TMEM59: variants seen among roughly 807,000 people sequenced by gnomAD.
TMEM59 encodes the protein dendritic cell factor 1.
In TMEM59, 44 loss-of-function variants were observed where a neutral mutation model predicts 42.2. The ratio of observed to expected loss-of-function variants is 1.04; its 90% confidence interval spans 0.82 to 1.34. The LOEUF is 1.34. TMEM59 is among the 40% of genes most tolerant of loss of function. The probability of loss-of-function intolerance (pLI) is 0.00; values close to 1 mark genes in which losing one functional copy is unlikely to be tolerated. For synonymous variants in TMEM59, 148 were observed against 145.8 expected (o/e 1.02, Z -0.11); for missense variants, 359 against 382.8 (o/e 0.94, Z 0.52).
chr1:54,043,997 C>G (rs1006563890), intron 3 of TMEM59: 1 of 152,052 alleles, frequency 6.6e-6, no homozygotes, highest in African/African-American at 2.4e-5. Context: ...TCTGACAACA[C>G]GACAGGGTGA....
rs184753407 is a variant in TMEM59 at position 54,026,703 on chromosome 1, C to G, written c.*5447G>C. 229 of 152,244 alleles carry G rather than the reference C, an allele frequency of 1.5e-3. 4 individuals carry two copies. The highest frequency in any genetic ancestry group is 5.3e-3 in the African/African-American group (222 of 41,538). 9.4% of individuals were successfully genotyped at this position (152,244 alleles called of 1,614,324 possible). On this transcript the variant is annotated 3_prime_UTR_variant, in exon 8 of 8. Transcript: ENST00000234831. ...GCATTATTTTTTAATGCAGATGATC[C>G]AAGTTTTATTAAAGTTTACATACTT... is the stretch of plus-strand genomic sequence containing the variant.
chr1:54,029,046 T>C lies in TMEM59; in HGVS notation c.*3104A>G, dbSNP rs1656687568. ...GAACTACTGTATATCTTTAAAAAAC[T>C]TGTAACAAAAATGGCTCATTTATCT... On this transcript the variant is annotated 3_prime_UTR_variant, in exon 8 of 8. Coordinates refer to ENST00000234831, the MANE Select transcript of TMEM59 (RefSeq NM_004872.5). 6.6e-6 allele frequency: 1 copy of C among 152,184 alleles called. No homozygotes were observed. Among genetic ancestry groups the C allele is most frequent in the Non-Finnish European group, 1.5e-5 (1 of 68,032 alleles). The allele number at this position is 152,184 out of a possible 1,614,324, so 9.4% of individuals were successfully genotyped here. A position where few individuals can be genotyped will look rare whatever the true frequency, so the allele number is the denominator to read the frequency against.
rs1389428745 is a variant in TMEM59, at chr1:54,052,864, A to C, written c.189+136T>G. 5.0e-6 allele frequency: 5 copies of C among 1,002,888 alleles called. No individual in the cohort carries two copies. In the African/African-American group the frequency reaches 8.1e-5, roughly 16 times the overall value. 62.1% of individuals were successfully genotyped at this position (1,002,888 alleles called of 1,614,324 possible). On this transcript the variant is annotated intron_variant, in intron 1 of 7. Transcript: ENST00000234831. Reference sequence around the variant, plus strand: ...GGGTGCAGGCAGGATTAGGGAGGAAAACAGGAGCTACACAGATGGGAGACA... The same window carrying C: ...GGGTGCAGGCAGGATTAGGGAGGAACACAGGAGCTACACAGATGGGAGACA...
At chr1:54,042,046 G>GTTTTTTTTTTTT (rs1253767145) in intron 4 of TMEM59, among the ~76,000 whole-genome samples, 1 of 142,682 alleles carries the variant, frequency 7.0e-6, no homozygotes, top group African/African-American at 2.8e-5. Flanking sequence ...TCCTGACAAC[G>GTTTTTTTTTTTT]TTTTGTTTTG....
intron 2 of TMEM59, among the ~76,000 whole-genome samples, chr1:54,046,516 G>T (rs942030758): frequency 6.6e-6 from 1 of 152,102 alleles, no homozygotes; most frequent in African/African-American, 2.4e-5. Flanking sequence ...TAATGCATTT[G>T]TAATACACTT....
chr1:54,053,316 T>C, upstream of TMEM59: 1 of 1,186,544 alleles, frequency 8.4e-7, no homozygotes, highest in Non-Finnish European at 1.2e-6. Flanking sequence ...TCACTTCAGC[T>C]CCGCCCTCAC....
rs1235456115 is a variant in TMEM59, at chr1:54,029,998, C to T, written c.*2152G>A. ...GGTATTTTCACATATAAGGAATTCTCTCAACAAGAGGGGAGATATTTGTCT... is the reference window on the plus strand; with the variant it reads ...GGTATTTTCACATATAAGGAATTCTTTCAACAAGAGGGGAGATATTTGTCT... On this transcript the variant is annotated 3_prime_UTR_variant, in exon 8 of 8. Coordinates refer to ENST00000234831, the MANE Select transcript of TMEM59 (RefSeq NM_004872.5). 2 of 152,098 alleles carry T rather than the reference C, an allele frequency of 1.3e-5. No individual in the cohort carries two copies. The highest frequency in any genetic ancestry group is 6.5e-5 in the Admixed American group (1 of 15,278). The allele number at this position is 152,098 out of a possible 1,614,324, so 9.4% of individuals were successfully genotyped here. A position where few individuals can be genotyped will look rare whatever the true frequency, so the allele number is the denominator to read the frequency against.
In TMEM59 at chr1:54,053,152, G is replaced by T; in HGVS notation, c.37C>A (p.Gln13Lys). 6.2e-7 allele frequency: 1 copy of T among 1,614,212 alleles called. No homozygotes were observed. Among genetic ancestry groups the T allele is most frequent in the Non-Finnish European group, 8.5e-7 (1 of 1,180,024 alleles). The change falls in exon 1 of 8, where the codon CAA (glutamine) becomes AAA (lysine). Residue 13 changes from glutamine to lysine, a missense_variant. By Grantham distance (53) the Gln-to-Lys change is moderately conservative (BLOSUM62 1). Transcript: ENST00000234831. The stretch of plus-strand genomic sequence containing the variant: ...AGCAGCAGCGGCGGGAGCCCCAGTT[G>T]GGTCCTCACCCAGAGGCTCCCCTTC... ...APKGSLWVRTQLGLPPLLLLT... is the reference protein window; with the variant it reads ...APKGSLWVRTKLGLPPLLLLT...
At chr1:54,040,623 G>A (rs1657106314) in intron 6 of TMEM59, 133 bp downstream of exon 6, 1 of 670,574 alleles carries the variant, frequency 1.5e-6, no homozygotes, top group Non-Finnish European at 2.5e-6. Context: ...AATATCTAAT[G>A]TACAACTTTG....
Position 54,031,938 on chromosome 1 carries a change from A to C in TMEM59, c.*212T>G. 2.4e-6 allele frequency: 1 copy of C among 418,654 alleles called. No individual in the cohort carries two copies. The highest frequency in any genetic ancestry group is 4.1e-6 in the Non-Finnish European group (1 of 245,698). The allele number at this position is 418,654 out of a possible 1,614,324, so 25.9% of individuals were successfully genotyped here. A position where few individuals can be genotyped will look rare whatever the true frequency, so the allele number is the denominator to read the frequency against. Reference sequence around the variant, plus strand: ...CAAAATAGCTACAGATATTAGTAAAATAATAATACAATCCCAAACATCCAC... The same window carrying C: ...CAAAATAGCTACAGATATTAGTAAACTAATAATACAATCCCAAACATCCAC... On this transcript the variant is annotated 3_prime_UTR_variant, in exon 8 of 8. Coordinates refer to ENST00000234831, the MANE Select transcript of TMEM59 (RefSeq NM_004872.5).
intron 7 of TMEM59, among the ~76,000 whole-genome samples, chr1:54,032,871 T>C (rs1167051806): frequency 6.6e-6 from 1 of 151,050 alleles, no homozygotes; most frequent in Non-Finnish European, 1.5e-5. Context: ...TAGTAATATC[T>C]AGCATCTTTT....
At chr1:54,045,940 T>A (rs536255407) in intron 2 of TMEM59, among the ~76,000 whole-genome samples, 154 bp from the exon 3 acceptor site, 2 of 152,354 alleles carry the variant, frequency 1.3e-5, no homozygotes, top group Admixed American at 6.5e-5. Context: ...AGGAAATGTA[T>A]CTTTAACAGA....
upstream of TMEM59, chr1:54,053,245 C>T: frequency 1.3e-6 from 2 of 1,584,076 alleles, no homozygotes; most frequent in East Asian, 2.2e-5. Flanking sequence ...GAAGGGTTTC[C>T]TCCTCCTCCT....
At chr1:54,051,329 GGGATAAT>G (rs1418367468) in intron 1 of TMEM59, among the ~76,000 whole-genome samples, 1 of 152,132 alleles carries the variant, frequency 6.6e-6, no homozygotes, top group African/African-American at 2.4e-5. Context: ...GTGAGAATTA[GGGATAAT>G]GGTATGATAA....
chr1:54,053,076 A>G lies in TMEM59; in HGVS notation c.113T>C (p.Phe38Ser). 6.2e-7 allele frequency: 1 copy of G among 1,614,234 alleles called. No individual in the cohort carries two copies. Among genetic ancestry groups the G allele is most frequent in the Non-Finnish European group, 8.5e-7 (1 of 1,180,042 alleles). The change falls in exon 1 of 8, where the codon TTT (phenylalanine) becomes TCT (serine). Residue 38 changes from phenylalanine to serine, a missense_variant. Coordinates refer to ENST00000234831, the MANE Select transcript of TMEM59 (RefSeq NM_004872.5). ...GGSGTASAEA[F>S]DSVLGDTASC... Reference sequence around the variant, plus strand: ...CGCCGTATCACCCAAGACCGAGTCAAATGCTTCAGCCGAAGCGGTCCCCGA... The same window carrying G: ...CGCCGTATCACCCAAGACCGAGTCAGATGCTTCAGCCGAAGCGGTCCCCGA...
In TMEM59 at chr1:54,035,508, T is replaced by C. The variant is rs979224655; in HGVS notation, c.816+1102A>G. 3.3e-5 allele frequency among the ~76,000 whole-genome samples: 5 copies of C among 152,352 alleles called. No homozygotes were observed. In the East Asian group the frequency reaches 9.6e-4, roughly 29 times the overall value. On this transcript the variant is annotated intron_variant, in intron 7 of 7. Transcript: ENST00000234831. Reference sequence around the variant, plus strand: ...ATCCTTTACCTTAACAGTTATATTTTTTGGGCCAGTTAAATTTTAATTACC... The same window carrying C: ...ATCCTTTACCTTAACAGTTATATTTCTTGGGCCAGTTAAATTTTAATTACC...
chr1:54,044,047 G>A (rs1216301266), intron 3 of TMEM59: 1 of 152,058 alleles, frequency 6.6e-6, no homozygotes, highest in African/African-American at 2.4e-5. Flanking sequence ...GTAAGCTACT[G>A]ATAAGATTTT....
Position 54,027,873 on chromosome 1 carries a change from G to A in TMEM59, c.*4277C>T, listed in dbSNP as rs1374805245. ...AGAATTTAATTACCACAAGGAGTTA[G>A]AAAATCCACACTACCATCCAGCTTC... On this transcript the variant is annotated 3_prime_UTR_variant, in exon 8 of 8. Coordinates refer to ENST00000234831, the MANE Select transcript of TMEM59 (RefSeq NM_004872.5). 6.6e-6 allele frequency: 1 copy of A among 152,138 alleles called. No individual in the cohort carries two copies. Among genetic ancestry groups the A allele is most frequent in the East Asian group, 1.9e-4 (1 of 5,202 alleles). The allele number at this position is 152,138 out of a possible 1,614,324, so 9.4% of individuals were successfully genotyped here.
At chr1:54,044,667 C>A (rs979008333) in intron 3 of TMEM59, 1 of 151,820 alleles carries the variant, frequency 6.6e-6, no homozygotes, top group African/African-American at 2.4e-5. Flanking sequence ...AATGCATATA[C>A]CTCTTAACTC....
Sources: allele counts gnomAD v4.1 joint callset (sites outside exome capture counted in the v4.1 genomes callset), GRCh38; gene constraint gnomAD v4.1.1; transcripts MANE v1.5; gene names NCBI Gene and HGNC (gene_info 2026-07-23, HGNC 2026-07-21).